The following FNIP2 variants were observed in gnomAD, a reference collection of about 807,000 sequenced individuals.
FNIP2 encodes folliculin-interacting protein 2.
A neutral mutation model predicts 108.7 loss-of-function variants in FNIP2; 32 were observed. That is an observed-to-expected ratio of 0.29 (90% CI 0.22 to 0.40). The LOEUF (loss-of-function observed/expected upper bound fraction) is 0.40, where lower values mean the gene tolerates loss of function less well. FNIP2 is among the 10% of genes least tolerant of loss of function. The probability of loss-of-function intolerance (pLI) is 1.00; values close to 1 mark genes in which losing one functional copy is unlikely to be tolerated. For synonymous variants in FNIP2, 480 were observed against 496.7 expected, an observed-to-expected ratio of 0.97 and a Z score of 0.45; for missense variants, 1,202 against 1,381.6, an observed-to-expected ratio of 0.87 and a Z score of 2.06.
intron 1 of FNIP2, among the ~76,000 whole-genome samples, chr4:158,789,890 G>A (rs1162152838): frequency 6.6e-6 from 1 of 151,952 alleles, no homozygotes; most frequent in Non-Finnish European, 1.5e-5. Context: ...GGGGAGGAGG[G>A]GTTTGCTGTA....
At chr4:158,861,527 A>T in intron 11 of FNIP2, 39 bp downstream of exon 11, 1 of 1,613,552 alleles carries the variant, frequency 6.2e-7, no homozygotes, top group Non-Finnish European at 8.5e-7. Context: ...TGCAAATCTC[A>T]TGGCCAATGT....
intron 1 of FNIP2, among the ~76,000 whole-genome samples, chr4:158,803,888 A>G (rs1387387095): frequency 6.6e-6 from 1 of 152,176 alleles, no homozygotes; most frequent in Admixed American, 6.6e-5. Context: ...GCATCTGACT[A>G]TCAAAGAAGC....
At chr4:158,776,507 T>G (rs1775865397) in intron 1 of FNIP2, among the ~76,000 whole-genome samples, 1 of 152,182 alleles carries the variant, frequency 6.6e-6, no homozygotes, top group Admixed American at 6.5e-5. Flanking sequence ...TTTGGGGTTA[T>G]GGGGGGAAAA....
At chr4:158,873,716 C>T (rs1399156115) in intron 14 of FNIP2, among the ~76,000 whole-genome samples, 1 of 152,192 alleles carries the variant, frequency 6.6e-6, no homozygotes, top group Admixed American at 6.5e-5. Flanking sequence ...TATTTAAACA[C>T]GTATTCTTGT....
intron 16 of FNIP2, among the ~76,000 whole-genome samples, chr4:158,900,346 G>A (rs1366356000): frequency 6.6e-6 from 1 of 152,208 alleles, no homozygotes; most frequent in Non-Finnish European, 1.5e-5. Context: ...TTCTGTAGAT[G>A]TCTATTAGGT....
chr4:158,868,132 T>G lies in FNIP2; in HGVS notation c.1496T>G (p.Val499Gly). ...CTTTACGGAGCCATAGGCTCTCCAG[T>G]GAGACTGACTCGCACCGTAGTGGTA... is the stretch of plus-strand genomic sequence containing the variant. Reference protein sequence around the residue: ...GDLYGAIGSPVRLTRTVVVGK... With the variant: ...GDLYGAIGSPGRLTRTVVVGK... The change falls in exon 13 of 17, where the codon GTG (valine) becomes GGG (glycine). Residue 499 changes from valine (V) to glycine (G), a missense_variant. By Grantham distance (109) the Val-to-Gly change is moderately radical. Around this residue, in one of 5 missense-constraint regions of FNIP2, gnomAD observed 878 missense variants for 990.3 expected, o/e 0.89. Transcript: ENST00000264433. The surrounding 1 kb of genome is among the most constrained non-coding windows in gnomAD (Gnocchi z 4.6). The G allele has an allele frequency of 6.2e-7, 1 of 1,614,020 alleles. No homozygotes were observed. The highest frequency in any genetic ancestry group is 8.5e-7 in the Non-Finnish European group (1 of 1,179,882).
chr4:158,891,427 C>T lies in FNIP2; in HGVS notation c.2950-19C>T. Reference sequence around the variant, plus strand: ...CTCACCTGGATAAATAAACCCATCCCTTTGTGTTTCTTTTTCAGCATCCAG... The same window carrying T: ...CTCACCTGGATAAATAAACCCATCCTTTTGTGTTTCTTTTTCAGCATCCAG... On this transcript the variant is annotated intron_variant, in intron 14 of 16. Transcript: ENST00000264433. 1.3e-6 allele frequency: 2 copies of T among 1,573,916 alleles called. No homozygotes were observed. Among genetic ancestry groups the T allele is most frequent in the Non-Finnish European group, 1.7e-6 (2 of 1,158,194 alleles).
At position 158,821,994 on chromosome 4, in the gene FNIP2, A is replaced by T. The variant is rs182805511; in HGVS notation, c.108-3922A>T. Among the ~76,000 whole-genome samples, 636 of 152,096 alleles carry T rather than the reference A, an allele frequency of 4.2e-3. 3 individuals carry two copies. Among genetic ancestry groups the T allele is most frequent in the Middle Eastern group, 0.01 (3 of 294 alleles). On this transcript the variant is annotated intron_variant, in intron 1 of 16. Transcript: ENST00000264433. ...AGTCCCAGCTACTTGGGGGGCTGAG[A>T]TGGGAGAATTTCTTGAGCAGGAGGT... is the stretch of plus-strand genomic sequence containing the variant.
At chr4:158,872,739 T>G (rs534284062) in intron 14 of FNIP2, 23 of 981,594 alleles carry the variant, frequency 2.3e-5, no homozygotes, top group Middle Eastern at 5.2e-4. Context: ...GTAGTGTTTT[T>G]TTTTTTTTTT....
chr4:158,881,195 C>T (rs565534770), intron 14 of FNIP2, among the ~76,000 whole-genome samples: 3 of 150,540 alleles, frequency 2.0e-5, no homozygotes, highest in African/African-American at 5.0e-5. Context: ...TCTCCCTCCA[C>T]GGTCTCCCTC....
chr4:158,859,670 A>G lies in FNIP2; in HGVS notation c.1148+4A>G, dbSNP rs764482556. 6.2e-7 allele frequency: 1 copy of G among 1,611,740 alleles called. No homozygotes were observed. Among genetic ancestry groups the G allele is most frequent in the Admixed American group, 1.7e-5 (1 of 59,828 alleles). On this transcript the variant is annotated splice_donor_region_variant and intron_variant, in intron 10 of 16. Coordinates refer to ENST00000264433, the MANE Select transcript of FNIP2 (RefSeq NM_020840.3). ...TGGAAGCTCTGGGAGAATTCAGGTA[A>G]AGTGGCAAAGTTTGGCAAATCCAAC...
chr4:158,834,864 G>A (rs192178913), intron 6 of FNIP2: 28 of 154,314 alleles, frequency 1.8e-4, no homozygotes, highest in African/African-American at 6.5e-4. Context: ...GGAAAGAAAT[G>A]GAGGAAGAAA....
chr4:158,875,954 T>G (rs1208776066), intron 14 of FNIP2, among the ~76,000 whole-genome samples: 1 of 152,226 alleles, frequency 6.6e-6, no homozygotes, highest in Non-Finnish European at 1.5e-5. Context: ...TTAGGCTTCT[T>G]ATTGATTAGT....
At chr4:158,782,747 A>G (rs1033977044) in intron 1 of FNIP2, among the ~76,000 whole-genome samples, 3 of 152,180 alleles carry the variant, frequency 2.0e-5, no homozygotes, top group Non-Finnish European at 2.9e-5. Context: ...AGGGAGAGGG[A>G]GAGACATTTG....
At chr4:158,872,627 T>C in intron 14 of FNIP2, 2 of 985,220 alleles carry the variant, frequency 2.0e-6, no homozygotes. Context: ...TCAGAATATA[T>C]CCAATTAGCA....
At chr4:158,782,703 T>G (rs1025860151) in intron 1 of FNIP2, among the ~76,000 whole-genome samples, 2 of 152,122 alleles carry the variant, frequency 1.3e-5, no homozygotes, top group Non-Finnish European at 2.9e-5. Context: ...GTTGTATTTT[T>G]ACAAACAGAA....
chr4:158,857,780 C>CA (rs35070873), intron 8 of FNIP2, among the ~76,000 whole-genome samples: 69,149 of 136,750 alleles, frequency 0.51, 18,761 homozygotes, highest in East Asian at 0.85. Flanking sequence ...CCATCTCTAC[C>CA]AAAAAAAAAA....
At chr4:158,898,051 C>T (rs1301073046) in intron 16 of FNIP2, among the ~76,000 whole-genome samples, 2 of 152,182 alleles carry the variant, frequency 1.3e-5, no homozygotes, top group Non-Finnish European at 2.9e-5. Context: ...CAGTTTTCTG[C>T]ATATGGCTAG....
chr4:158,798,146 C>T (rs1776649268), intron 1 of FNIP2, among the ~76,000 whole-genome samples: 1 of 151,988 alleles, frequency 6.6e-6, no homozygotes, highest in Non-Finnish European at 1.5e-5. Flanking sequence ...CTCACCGCAG[C>T]CTCAAACTCC....
Sources: allele counts gnomAD v4.1 joint callset (sites outside exome capture counted in the v4.1 genomes callset), GRCh38; gene constraint gnomAD v4.1.1; regional missense constraint gnomAD v4.1.1; non-coding constraint Gnocchi (gnomAD v3.1); transcripts MANE v1.5; gene names NCBI Gene and HGNC (gene_info 2026-07-23, HGNC 2026-07-21).